The following LRRK2 variants were observed in gnomAD, a reference collection of about 807,000 sequenced individuals.
LRRK2 encodes leucine-rich repeat serine/threonine-protein kinase 2.
In LRRK2, 203 loss-of-function variants were observed where a neutral mutation model predicts 302.6. That is an observed-to-expected ratio of 0.67 (90% CI 0.60 to 0.75). The LOEUF is 0.75. Ranked by LOEUF, LRRK2 falls within the 30% of genes least tolerant of loss-of-function variation. LRRK2 has a pLI of 0.00. For synonymous variants in LRRK2, 1,066 were observed against 1,031.9 expected (o/e 1.03, Z -0.63); for missense variants, 2,830 against 2,951.0 (o/e 0.96, Z 0.95).
At chr12:40,259,004 T>C (rs1295984851) in intron 12 of LRRK2, among the ~76,000 whole-genome samples, 1 of 152,112 alleles carries the variant, frequency 6.6e-6, no homozygotes, top group Non-Finnish European at 1.5e-5. Flanking sequence ...TTAAAAATAA[T>C]TAAAAATACC....
chr12:40,299,349 T>C, intron 25 of LRRK2, 92 bp downstream of exon 25: 1 of 1,398,352 alleles, frequency 7.2e-7, no homozygotes, highest in East Asian at 2.3e-5. Flanking sequence ...GATTTAAAAG[T>C]GGCATTTCAG....
chr12:40,291,505 T>C (rs1177840100), intron 20 of LRRK2, among the ~76,000 whole-genome samples: 3 of 151,640 alleles, frequency 2.0e-5, no homozygotes, highest in Non-Finnish European at 4.4e-5. Flanking sequence ...AAGGCTGTCA[T>C]TTATTTTCCA....
intron 40 of LRRK2, among the ~76,000 whole-genome samples, chr12:40,335,946 A>T (rs1945855740): frequency 6.6e-6 from 1 of 152,116 alleles, no homozygotes; most frequent in African/African-American, 2.4e-5. Context: ...ACCAAAATAT[A>T]TCTTAATGCT....
At chr12:40,360,691 C>G (rs943199105) in intron 47 of LRRK2, among the ~76,000 whole-genome samples, 2 of 152,142 alleles carry the variant, frequency 1.3e-5, no homozygotes, top group African/African-American at 2.4e-5. Flanking sequence ...TTCCTTAAGA[C>G]AGCCTACTGG....
chr12:40,309,048 A>C (rs1944937524), intron 29 of LRRK2, 58 bp from the exon 30 acceptor site: 1 of 1,581,252 alleles, frequency 6.3e-7, no homozygotes, highest in Non-Finnish European at 8.6e-7. Flanking sequence ...TTTTTTAAAA[A>C]AGGATTCTTG....
chr12:40,258,166 A>C (rs1051291161), intron 12 of LRRK2, among the ~76,000 whole-genome samples: 2 of 152,146 alleles, frequency 1.3e-5, no homozygotes, highest in Non-Finnish European at 2.9e-5. Context: ...TTACAAAGGG[A>C]TTAGGATAAT....
intron 8 of LRRK2, among the ~76,000 whole-genome samples, chr12:40,250,192 A>T (rs1009156389): frequency 9.2e-5 from 14 of 152,148 alleles, no homozygotes; most frequent in African/African-American, 3.4e-4. Flanking sequence ...AATCTGTTTT[A>T]AAAAAATTTT....
In LRRK2 at chr12:40,276,179, G is replaced by A. The variant is rs560908800; in HGVS notation, c.1941+1186G>A. On this transcript the variant is annotated intron_variant, in intron 16 of 50. Coordinates refer to ENST00000298910, the MANE Select transcript of LRRK2 (RefSeq NM_198578.4). ...TAGGGAAAGGGAAGGATTTTGTGCC[G>A]GTATGGAACTCTCAGTTACTCTGGA... Among the ~76,000 whole-genome samples, 9 of 152,122 alleles carry A rather than the reference G, an allele frequency of 5.9e-5. No homozygotes were observed. The South Asian group carries it at 6.2e-4, about 11-fold the overall frequency.
In LRRK2 at chr12:40,283,938, C is replaced by T. The variant is rs1943809323; in HGVS notation, c.2305C>T (p.Gln769Ter). The change falls in exon 19 of 51, where the codon CAA becomes TAA. Residue 769 changes from glutamine to a stop codon, truncating the protein, a stop_gained. Transcript: ENST00000298910. LOFTEE classifies it high-confidence loss of function. ...CTTACTGAATAGTGGATCTCGTGAA[C>T]AAGATGTACGAAAAGCGTTGACGAT... is the stretch of plus-strand genomic sequence containing the variant. ...ELLLNSGSRE[Q>*]DVRKALTISI... 6.2e-7 allele frequency: 1 copy of T among 1,613,716 alleles called. No individual in the cohort carries two copies. The highest frequency in any genetic ancestry group is 8.5e-7 in the Non-Finnish European group (1 of 1,179,786).
At chr12:40,279,535 G>C (rs576239612) in intron 18 of LRRK2, among the ~76,000 whole-genome samples, 1 of 152,174 alleles carries the variant, frequency 6.6e-6, no homozygotes, top group South Asian at 2.1e-4. Flanking sequence ...TTTGCATGCA[G>C]ATTATTGCAT....
intron 41 of LRRK2, among the ~76,000 whole-genome samples, chr12:40,345,051 C>T (rs1393217532): frequency 6.6e-6 from 1 of 152,114 alleles, no homozygotes; most frequent in Non-Finnish European, 1.5e-5. Context: ...CTGGTAGTCT[C>T]TCTGTCAAAT....
intron 14 of LRRK2, among the ~76,000 whole-genome samples, chr12:40,271,078 A>C (rs1283811891): frequency 6.6e-6 from 1 of 152,018 alleles, no homozygotes; most frequent in Non-Finnish European, 1.5e-5. Flanking sequence ...TGACCAGCCT[A>C]AATATCTAAA....
chr12:40,328,265 A>G (rs1945610243), intron 38 of LRRK2, 95 bp from the exon 39 acceptor site: 1 of 960,184 alleles, frequency 1.0e-6, no homozygotes. Flanking sequence ...TTTCTATTCA[A>G]ATTTACAACA....
In LRRK2 at chr12:40,319,430, CT is replaced by C. The variant is rs527876505; in HGVS notation, c.4828-555del. Among the ~76,000 whole-genome samples, 779 of 152,092 alleles carry C rather than the reference CT, an allele frequency of 5.1e-3. 10 individuals carry two copies. The highest frequency in any genetic ancestry group is 0.018 in the African/African-American group (743 of 41,500). The stretch of plus-strand genomic sequence containing the variant: ...CTGTGTTAGAAACATCGGGGTTGCT[CT>C]TTAAAAAAGCCGATTCTCAGGCCTC... On this transcript the variant is annotated intron_variant, in intron 33 of 50. Coordinates refer to ENST00000298910, the MANE Select transcript of LRRK2 (RefSeq NM_198578.4).
rs367772598 is a variant in LRRK2, at chr12:40,368,690, C to CTT, written c.*935_*936dup. The CTT allele has an allele frequency of 0.029, 4,232 of 146,860 alleles. 78 individuals carry two copies. The highest frequency in any genetic ancestry group is 0.066 in the Middle Eastern group (19 of 286). 9.1% of individuals were successfully genotyped at this position (146,860 alleles called of 1,614,324 possible). ...GATCCTACATCATTCAGATAGAAACCTTTTTTTTTTTCAGAATTATAGAAT... is the reference window on the plus strand; with the variant it reads ...GATCCTACATCATTCAGATAGAAACCTTTTTTTTTTTTTCAGAATTATAGAAT... On this transcript the variant is annotated 3_prime_UTR_variant, in exon 51 of 51. Transcript: ENST00000298910.
chr12:40,366,484 A>G (rs1946884190), intron 49 of LRRK2: 1 of 154,558 alleles, frequency 6.5e-6, no homozygotes, highest in Admixed American at 6.4e-5. Flanking sequence ...GTTTTTGTTT[A>G]CCCCTTTTTT....
At chr12:40,258,314 A>G (rs1942611395) in intron 12 of LRRK2, among the ~76,000 whole-genome samples, 1 of 152,182 alleles carries the variant, frequency 6.6e-6, no homozygotes, top group African/African-American at 2.4e-5. Flanking sequence ...ACTGTTTTTA[A>G]CATCAGTCTA....
rs201555723 is a variant in LRRK2 at position 40,367,678 on chromosome 12, T to G, written c.7497T>G (p.Asn2499Lys). The G allele has an allele frequency of 5.6e-6, 9 of 1,604,288 alleles. No individual in the cohort carries two copies. The highest frequency in any genetic ancestry group is 7.7e-6 in the Non-Finnish European group (9 of 1,174,312). ...CTTGCTTGACCGTTTGGGACATCAA[T>G]CTTCCACATGAAGTGCAAAATTTAG... is the stretch of plus-strand genomic sequence containing the variant. ...IQSCLTVWDI[N>K]LPHEVQNLEK... Residue 2499 changes from asparagine to lysine, a missense_variant, in exon 51 of 51, where the codon AAT becomes AAG. Physicochemically the swap from Asn to Lys is moderately conservative, Grantham distance 94 (BLOSUM62 0). Coordinates refer to ENST00000298910, the MANE Select transcript of LRRK2 (RefSeq NM_198578.4).
chr12:40,353,356 G>A (rs1256641259), intron 44 of LRRK2, among the ~76,000 whole-genome samples: 3 of 151,262 alleles, frequency 2.0e-5, no homozygotes, highest in African/African-American at 2.4e-5. Context: ...GGTTGCGGCC[G>A]GGCATAGGCT....
Sources: allele counts gnomAD v4.1 joint callset (sites outside exome capture counted in the v4.1 genomes callset), GRCh38; gene constraint gnomAD v4.1.1; transcripts MANE v1.5; gene names NCBI Gene and HGNC (gene_info 2026-07-23, HGNC 2026-07-21).